Variants in TUBB8B observed in about 807,000 individuals in gnomAD.
The protein encoded by TUBB8B is tubulin beta 8B, also known as HSA18p11 beta-tubulin 4Q pseudogene.
A neutral mutation model predicts 31.9 loss-of-function variants in TUBB8B; 26 were observed. That is an observed-to-expected ratio of 0.81 (90% confidence interval 0.60 to 1.13). The LOEUF is 1.13. Among genes scored for constraint, TUBB8B ranks in the 50% most tolerant of loss-of-function variants. The pLI is 0.00. For synonymous variants in TUBB8B, 173 were observed against 231.0 expected (o/e 0.75, Z 2.28); for missense variants, 467 against 586.7 (o/e 0.80, Z 2.11).
the TUBB8B span, among the ~76,000 whole-genome samples, chr18:60,808 T>C: frequency 6.6e-6 from 1 of 151,786 alleles, no homozygotes; most frequent in African/African-American, 2.4e-5. Flanking sequence ...GTTTGTTCCA[T>C]TGTGGTCAGA....
At chr18:52,113 G>T (rs1311628982), upstream of TUBB8B, among the ~76,000 whole-genome samples, 1 of 151,832 alleles carries the variant, frequency 6.6e-6, no homozygotes. Context: ...CCTTGGTGTG[G>T]GGTCAAAAAC....
upstream of TUBB8B, among the ~76,000 whole-genome samples, chr18:52,306 A>G (rs1365366101): frequency 6.6e-6 from 1 of 151,498 alleles, no homozygotes; most frequent in Non-Finnish European, 1.5e-5. Flanking sequence ...CGGTGGGCAG[A>G]AAGGCAACAA....
At chr18:67,860 G>A in the TUBB8B span, among the ~76,000 whole-genome samples, 1 of 151,712 alleles carries the variant, frequency 6.6e-6, no homozygotes, top group Non-Finnish European at 1.5e-5. Context: ...ATACTGATAC[G>A]ACACCTGTAA....
At chr18:60,591 A>C in the TUBB8B span, among the ~76,000 whole-genome samples, 1 of 151,774 alleles carries the variant, frequency 6.6e-6, no homozygotes, top group Non-Finnish European at 1.5e-5. Flanking sequence ...ATAGGCACTT[A>C]CAGTTATAAA....
At chr18:48,729 G>T in intron 3 of TUBB8B, 1 of 696,852 alleles carries the variant, frequency 1.4e-6, no homozygotes. Context: ...TCAGCTCCCG[G>T]CAGGGACATC....
chr18:57,581 G>T, the TUBB8B span, among the ~76,000 whole-genome samples: 1 of 151,850 alleles, frequency 6.6e-6, no homozygotes, highest in African/African-American at 2.4e-5. Flanking sequence ...GGCTGGTTTT[G>T]TGTGCTTCTG....
At chr18:57,398 T>C in the TUBB8B span, among the ~76,000 whole-genome samples, 265 of 152,008 alleles carry the variant, frequency 1.7e-3, 3 homozygotes, top group Middle Eastern at 0.017. Context: ...ACAGGACCCA[T>C]ACAAGTCTGA....
the TUBB8B span, among the ~76,000 whole-genome samples, chr18:63,540 A>C: frequency 6.6e-6 from 1 of 151,524 alleles, no homozygotes; most frequent in Non-Finnish European, 1.5e-5. Context: ...TTCACACTTG[A>C]AGTAGGCATA....
chr18:62,016 C>T, the TUBB8B span, among the ~76,000 whole-genome samples: 4 of 151,790 alleles, frequency 2.6e-5, no homozygotes, highest in African/African-American at 7.2e-5. Flanking sequence ...TCTTGTAGGA[C>T]AGGTCTGGTG....
the TUBB8B span, among the ~76,000 whole-genome samples, chr18:63,130 TG>T: frequency 6.6e-6 from 1 of 151,816 alleles, no homozygotes. Context: ...GATTTGCCCC[TG>T]GTGCCTTATT....
the TUBB8B span, among the ~76,000 whole-genome samples, chr18:60,592 C>G: frequency 6.6e-6 from 1 of 151,696 alleles, no homozygotes; most frequent in Non-Finnish European, 1.5e-5. Flanking sequence ...TAGGCACTTA[C>G]AGTTATAAAT....
At chr18:72,081 A>C in the TUBB8B span, among the ~76,000 whole-genome samples, 13 of 150,280 alleles carry the variant, frequency 8.7e-5, no homozygotes, top group Non-Finnish European at 1.2e-4. Flanking sequence ...GGGGAGGCTG[A>C]GACAGAGCAT....
chr18:51,961 T>C (rs1014154907), upstream of TUBB8B, among the ~76,000 whole-genome samples: 2 of 151,468 alleles, frequency 1.3e-5, no homozygotes, highest in African/African-American at 4.8e-5. Context: ...ACCTGTGGAC[T>C]CTGACAGGCA....
chr18:60,067 A>G, the TUBB8B span, among the ~76,000 whole-genome samples: 1 of 151,742 alleles, frequency 6.6e-6, no homozygotes, highest in Non-Finnish European at 1.5e-5. Context: ...TCAGTGTAAT[A>G]CTAGCCTCAA....
the TUBB8B span, among the ~76,000 whole-genome samples, chr18:72,196 A>AAAAAAC: frequency 0.033 from 2,749 of 83,912 alleles, 193 homozygotes; most frequent in East Asian, 0.092. Context: ...AAAAAAAAAA[A>AAAAAAC]AAAGGAAAAA....
chr18:51,607 T>C (rs900836297), upstream of TUBB8B, among the ~76,000 whole-genome samples: 4 of 151,996 alleles, frequency 2.6e-5, no homozygotes, highest in Admixed American at 2.6e-4. Context: ...GCCTGTCTAA[T>C]TTTTGTACTT....
chr18:51,054 C>T (rs1227584651), upstream of TUBB8B, among the ~76,000 whole-genome samples: 1 of 151,770 alleles, frequency 6.6e-6, no homozygotes, highest in East Asian at 1.9e-4. Context: ...TTTCCAACTG[C>T]AGGGGCCTAG....
rs770205901 is a variant in TUBB8B, at chr18:47,581, A to C, written c.1144T>G (p.Ser382Ala). Residue 382 changes from serine (S) to alanine (A), a missense_variant, in exon 4 of 4, where the codon TCA (serine) becomes GCA (alanine). This residue lies in a region of TUBB8B where 208 missense variants were observed against 206.7 expected (regional missense o/e 1.01). Transcript: ENST00000308911. Reference sequence around the variant, plus strand: ...CTGAACATTGCTGTAAACTGCTCTGAGACACATGTGAAGAGTTCCTGGATG... The same window carrying C: ...CTGAACATTGCTGTAAACTGCTCTGCGACACATGTGAAGAGTTCCTGGATG... ...AAIQELFTCV[S>A]EQFTAMFRRK... 1.8e-5 allele frequency: 23 copies of C among 1,304,210 alleles called. No homozygotes were observed. The highest frequency in any genetic ancestry group is 8.4e-5 in the South Asian group (6 of 71,270). 80.8% of individuals were successfully genotyped at this position (1,304,210 alleles called of 1,614,324 possible). A position where few individuals can be genotyped will look rare whatever the true frequency, so the allele number is the denominator to read the frequency against.
At chr18:61,169 T>G in the TUBB8B span, among the ~76,000 whole-genome samples, 4 of 151,814 alleles carry the variant, frequency 2.6e-5, no homozygotes, top group Admixed American at 2.6e-4. Context: ...TTATATCCTC[T>G]TGAAGAATTG....
Sources: allele counts gnomAD v4.1 joint callset (sites outside exome capture counted in the v4.1 genomes callset), GRCh38; gene constraint gnomAD v4.1.1; regional missense constraint gnomAD v4.1.1; transcripts MANE v1.5; gene names NCBI Gene and HGNC (gene_info 2026-07-23, HGNC 2026-07-21).